Variants in ROBO2 observed in about 807,000 individuals in gnomAD.
ROBO2 encodes roundabout guidance receptor 2, also known as roundabout homolog 2.
In ROBO2, 53 loss-of-function variants were observed where a neutral mutation model predicts 160.8. The ratio of observed to expected loss-of-function variants is 0.33; its 90% CI spans 0.26 to 0.41. The LOEUF is 0.41. Among genes scored for constraint, ROBO2 ranks in the 10% least tolerant of loss-of-function variants. ROBO2 has a pLI of 1.00. For missense variants in ROBO2, 1,577 were observed against 1,722.4 expected, an observed-to-expected ratio of 0.92 and a Z score of 1.49; for synonymous variants, 664 against 611.7, an observed-to-expected ratio of 1.09 and a Z score of -1.26.
intron 2 of ROBO2, among the ~76,000 whole-genome samples, chr3:76,248,786 G>T (rs1276884279): frequency 6.6e-6 from 1 of 151,820 alleles, no homozygotes; most frequent in African/African-American, 2.4e-5. Context: ...GTGTGCATTT[G>T]TTTACTTCCC....
chr3:76,718,157 T>C (rs1025366918), intron 2 of ROBO2, among the ~76,000 whole-genome samples: 2 of 152,194 alleles, frequency 1.3e-5, no homozygotes, highest in African/African-American at 4.8e-5. Flanking sequence ...CAACTCTATA[T>C]GGAAACATTA....
At chr3:77,641,972 T>C (rs1298228661) in intron 24 of ROBO2, among the ~76,000 whole-genome samples, 1 of 152,196 alleles carries the variant, frequency 6.6e-6, no homozygotes, top group African/African-American at 2.4e-5. Flanking sequence ...CATTGTCTTC[T>C]CTAGCACCAT....
intron 2 of ROBO2, among the ~76,000 whole-genome samples, chr3:76,557,561 A>T (rs1259863184): frequency 6.8e-6 from 1 of 147,284 alleles, no homozygotes; most frequent in East Asian, 2.0e-4. Flanking sequence ...CTGGAAACTG[A>T]TGTCCTTGGG....
At chr3:76,834,056 T>TCTTTCTCTC (rs1440960181) in intron 2 of ROBO2, among the ~76,000 whole-genome samples, 6 of 135,000 alleles carry the variant, frequency 4.4e-5, no homozygotes, top group Non-Finnish European at 6.3e-5. Context: ...TTCTCTCCTT[T>TCTTTCTCTC]CTTTCTTTTC....
intron 2 of ROBO2, among the ~76,000 whole-genome samples, chr3:77,291,194 G>C (rs113798175): frequency 0.13 from 19,412 of 148,780 alleles, 1,369 homozygotes; most frequent in Admixed American, 0.22. Flanking sequence ...AAGTAAAATT[G>C]ATGGTTAAAT....
At chr3:76,452,199 T>C (rs1228518975) in intron 2 of ROBO2, among the ~76,000 whole-genome samples, 2 of 152,172 alleles carry the variant, frequency 1.3e-5, no homozygotes, top group Non-Finnish European at 2.9e-5. Flanking sequence ...TATTATACTT[T>C]AAGTTTTAGG....
intron 2 of ROBO2, among the ~76,000 whole-genome samples, chr3:77,389,541 G>A (rs924184360): frequency 1.6e-4 from 24 of 151,784 alleles, no homozygotes; most frequent in African/African-American, 5.8e-4. Flanking sequence ...GAACTGTGTG[G>A]GTTCAAGCCA....
chr3:77,429,600 G>A (rs1211783566), intron 2 of ROBO2, among the ~76,000 whole-genome samples: 1 of 129,826 alleles, frequency 7.7e-6, no homozygotes, highest in Admixed American at 7.8e-5. Context: ...AATTGCTCAT[G>A]TAAAAAGCAG....
intron 2 of ROBO2, among the ~76,000 whole-genome samples, chr3:76,056,145 A>T (rs1219292464): frequency 6.6e-6 from 1 of 152,228 alleles, no homozygotes; most frequent in Non-Finnish European, 1.5e-5. Flanking sequence ...TAGCATTCAC[A>T]TTGTATTAAG....
chr3:76,868,792 A>G (rs963017666), intron 2 of ROBO2, among the ~76,000 whole-genome samples: 1 of 151,974 alleles, frequency 6.6e-6, no homozygotes, highest in Non-Finnish European at 1.5e-5. Flanking sequence ...TCAAAAAAAA[A>G]GCATGTATCA....
chr3:77,033,525 T>G (rs532441998), intron 2 of ROBO2, among the ~76,000 whole-genome samples: 2 of 152,182 alleles, frequency 1.3e-5, no homozygotes, highest in Non-Finnish European at 2.9e-5. Context: ...AGAAATAAAA[T>G]AATAGGTTAA....
intron 2 of ROBO2, among the ~76,000 whole-genome samples, chr3:76,595,844 G>A (rs2086701203): frequency 6.6e-6 from 1 of 151,986 alleles, no homozygotes. Context: ...CTCCAAATTT[G>A]GACAATCCAC....
intron 2 of ROBO2, among the ~76,000 whole-genome samples, chr3:76,796,079 G>A (rs2108783014): frequency 6.6e-6 from 1 of 152,180 alleles, no homozygotes; most frequent in South Asian, 2.1e-4. Flanking sequence ...AAAATATTCA[G>A]TAAACCATGC....
At chr3:75,907,211 G>A (rs1190406907) in intron 1 of ROBO2, among the ~76,000 whole-genome samples, 2 of 152,200 alleles carry the variant, frequency 1.3e-5, no homozygotes, top group Non-Finnish European at 2.9e-5. Flanking sequence ...AAAGGCACGC[G>A]TTATATATGT....
intron 2 of ROBO2, among the ~76,000 whole-genome samples, chr3:76,983,644 T>C (rs1404572610): frequency 1.3e-5 from 2 of 152,184 alleles, no homozygotes; most frequent in Non-Finnish European, 2.9e-5. Context: ...ATTTGATCAG[T>C]TCTTATTTCA....
Position 77,116,953 on chromosome 3 carries a change from C to T in ROBO2, c.388+18613C>T, listed in dbSNP as rs866255313. Among the ~76,000 whole-genome samples, 17 of 152,296 alleles carry T rather than the reference C, an allele frequency of 1.1e-4. No homozygotes were observed. The South Asian group carries it at 1.2e-3, about 11-fold the overall frequency. On this transcript the variant is annotated intron_variant, in intron 2 of 25. Transcript: ENST00000461745. The stretch of plus-strand genomic sequence containing the variant: ...AGGACTCATAACACATTTTCTTCAA[C>T]AATAACATGCTCAGCTACCTGTGTG...
At chr3:77,077,296 A>G (rs1047583851) in intron 1 of ROBO2, among the ~76,000 whole-genome samples, 2 of 152,256 alleles carry the variant, frequency 1.3e-5, no homozygotes, top group African/African-American at 2.4e-5. Flanking sequence ...TTATAGCCGT[A>G]TTAATAATTT....
intron 2 of ROBO2, among the ~76,000 whole-genome samples, chr3:77,218,605 C>T (rs1190215994): frequency 6.6e-6 from 1 of 152,090 alleles, no homozygotes; most frequent in Non-Finnish European, 1.5e-5. Context: ...AACTCTTGAC[C>T]TTTTGATCCA....
At chr3:76,325,716 TAA>T (rs71277583) in intron 2 of ROBO2, among the ~76,000 whole-genome samples, 1 of 145,228 alleles carries the variant, frequency 6.9e-6, no homozygotes. Context: ...AAGGCCAAAT[TAA>T]AAAAAAAAAC....
Sources: gnomAD v4.1 joint callset for allele counts (sites outside exome capture counted in the v4.1 genomes callset) on GRCh38, gnomAD v4.1.1 for gene constraint, MANE v1.5 for transcripts, NCBI Gene and HGNC (gene_info 2026-07-23, HGNC 2026-07-21) for gene names.